Variants in ZNF316 observed in about 807,000 individuals in gnomAD.
ZNF316 encodes the protein zinc finger protein 316.
Under a neutral mutation model 75.6 loss-of-function variants are expected in ZNF316, and 23 were observed. The observed-to-expected ratio is 0.30, with a 90% CI of 0.22 to 0.43. The LOEUF (loss-of-function observed/expected upper bound fraction) is 0.43, where lower values mean the gene tolerates loss of function less well. Among genes scored for constraint, ZNF316 ranks in the 20% least tolerant of loss-of-function variants. The probability of loss-of-function intolerance (pLI) is 1.00; values close to 1 mark genes in which losing one functional copy is unlikely to be tolerated. For synonymous variants in ZNF316, 827 were observed against 666.2 expected, an observed-to-expected ratio of 1.24 and a Z score of -3.72; for missense variants, 1,266 against 1,409.4, an observed-to-expected ratio of 0.90 and a Z score of 1.63.
intron 8 of ZNF316, among the ~76,000 whole-genome samples, 163 bp downstream of exon 8, chr7:6,644,756 G>A (rs1779370323): frequency 2.0e-5 from 3 of 152,326 alleles, no homozygotes; most frequent in African/African-American, 7.2e-5. Flanking sequence ...AGAAAGGTCC[G>A]AGGGCTGTAA....
intron 8 of ZNF316, among the ~76,000 whole-genome samples, chr7:6,649,859 G>A (rs188742264): frequency 3.3e-5 from 5 of 152,260 alleles, no homozygotes; most frequent in Admixed American, 3.3e-4. Flanking sequence ...TGGGATGGGG[G>A]CTCCCTGCCT....
At position 6,654,217 on chromosome 7, in the gene ZNF316, TG is replaced by T. The variant is rs2115321711; in HGVS notation, c.2623del (p.Ala875ProfsTer60). The T allele has an allele frequency of 8.2e-7, 1 of 1,223,804 alleles. No homozygotes were observed. Among genetic ancestry groups the T allele is most frequent in the Non-Finnish European group, 1.0e-6 (1 of 982,178 alleles). The allele number at this position is 1,223,804 out of a possible 1,614,324, so 75.8% of individuals were successfully genotyped here. A position where few individuals can be genotyped will look rare whatever the true frequency, so the allele number is the denominator to read the frequency against. ...CGCGGCTTCGCGCAGCGCTCCAACC[TG>T]GCCAAGCACCGGCGCGGCCACACGG... ...CGRGFAQRSNLAKHRRGHTGE... is the reference protein window; with the variant it reads ...CGRGFAQRSNXAKHRRGHTGE... On this transcript the variant is annotated frameshift_variant, in exon 9 of 9. Transcript: ENST00000382252. LOFTEE classifies it high-confidence loss of function.
At chr7:6,649,029 C>T (rs1408346666) in intron 8 of ZNF316, among the ~76,000 whole-genome samples, 3 of 152,184 alleles carry the variant, frequency 2.0e-5, no homozygotes, top group Non-Finnish European at 4.4e-5. Context: ...TGGTCTCCCT[C>T]TCCATCAGCT....
At chr7:6,649,065 G>C (rs1779460106) in intron 8 of ZNF316, among the ~76,000 whole-genome samples, 1 of 152,120 alleles carries the variant, frequency 6.6e-6, no homozygotes, top group African/African-American at 2.4e-5. Flanking sequence ...TGGATGGGGG[G>C]GGTCTTAGTG....
At position 6,652,433 on chromosome 7, in the gene ZNF316, G is replaced by T; in HGVS notation, c.837G>T (p.Val279=). The T allele has an allele frequency of 8.1e-7, 1 of 1,232,124 alleles. No individual in the cohort carries two copies. The highest frequency in any genetic ancestry group is 1.0e-6 in the Non-Finnish European group (1 of 987,962). 76.3% of individuals were successfully genotyped at this position (1,232,124 alleles called of 1,614,324 possible). Residue 279 remains valine, a synonymous_variant, in exon 9 of 9, where the codon GTG becomes GTT. Transcript: ENST00000382252. ...LWSAAYGVGD[V]PGTWGPDDSD... is the part of the protein sequence containing the mutation. ...CGGCGGCCTACGGCGTGGGGGACGT[G>T]CCTGGGACGTGGGGGCCCGACGACT...
intron 8 of ZNF316, among the ~76,000 whole-genome samples, chr7:6,648,317 GCCT>G (rs1779445909): frequency 1.3e-5 from 2 of 152,176 alleles, no homozygotes; most frequent in African/African-American, 4.8e-5. Context: ...CTGTGGCCCA[GCCT>G]CAAGAGGAAA....
rs1261986778 is a variant in ZNF316 at position 6,654,216 on chromosome 7, C to T, written c.2620C>T (p.Leu874=). Residue 874 remains leucine (L), a synonymous_variant, in exon 9 of 9, where the codon CTG becomes TTG. Transcript: ENST00000382252. ...CCGCGGCTTCGCGCAGCGCTCCAAC[C>T]TGGCCAAGCACCGGCGCGGCCACAC... ...CGRGFAQRSN[L]AKHRRGHTGE... 2.5e-6 allele frequency: 3 copies of T among 1,222,950 alleles called. No individual in the cohort carries two copies. In the South Asian group the frequency reaches 1.2e-4, roughly 47 times the overall value. 75.8% of individuals were successfully genotyped at this position (1,222,950 alleles called of 1,614,324 possible).
chr7:6,643,254 G>C (rs954996204), intron 6 of ZNF316, among the ~76,000 whole-genome samples, 181 bp downstream of exon 6: 1 of 152,192 alleles, frequency 6.6e-6, no homozygotes, highest in Non-Finnish European at 1.5e-5. Flanking sequence ...CCCCAAGCCC[G>C]GGGGTGTGGT....
intron 8 of ZNF316, among the ~76,000 whole-genome samples, chr7:6,648,011 A>G (rs1215566059): frequency 6.6e-6 from 1 of 152,166 alleles, no homozygotes; most frequent in Non-Finnish European, 1.5e-5. Flanking sequence ...GGCCCCTGGG[A>G]TCACCACTGC....
rs1239141641 is a variant in ZNF316, at chr7:6,657,533, C to G, written c.*2922C>G. Among the ~76,000 whole-genome samples, 1 of 151,890 alleles carries G rather than the reference C, an allele frequency of 6.6e-6. No individual in the cohort carries two copies. Among genetic ancestry groups the G allele is most frequent in the East Asian group, 1.9e-4 (1 of 5,180 alleles). On this transcript the variant is annotated 3_prime_UTR_variant, in exon 9 of 9. Coordinates refer to ENST00000382252, the MANE Select transcript of ZNF316 (RefSeq NM_001278559.2). The stretch of plus-strand genomic sequence containing the variant: ...CCCCTTGAGGATCTTACAGTCTATT[C>G]AGAAAAGTTAAATGAGGCTGGGTGC...
Position 6,656,340 on chromosome 7 carries a change from G to C in ZNF316, c.*1729G>C, listed in dbSNP as rs1779626291. 1 of 152,176 alleles carries C rather than the reference G, an allele frequency of 6.6e-6. No individual in the cohort carries two copies. The highest frequency in any genetic ancestry group is 6.5e-5 in the Admixed American group (1 of 15,282). 9.4% of individuals were successfully genotyped at this position (152,176 alleles called of 1,614,324 possible). ...TCTCAGCTCTAGCCCTGTATGGCCAGGATCTGCTGTCTCCGTCCCTCCTGG... is the reference window on the plus strand; with the variant it reads ...TCTCAGCTCTAGCCCTGTATGGCCACGATCTGCTGTCTCCGTCCCTCCTGG... On this transcript the variant is annotated 3_prime_UTR_variant, in exon 9 of 9. Transcript: ENST00000382252.
Position 6,639,764 on chromosome 7 carries a change from C to T in ZNF316, c.-167+623C>T, listed in dbSNP as rs1779280194. Among the ~76,000 whole-genome samples the T allele has an allele frequency of 6.6e-6, 1 of 152,210 alleles. No individual in the cohort carries two copies. Among genetic ancestry groups the T allele is most frequent in the Admixed American group, 6.5e-5 (1 of 15,280 alleles). On this transcript the variant is annotated intron_variant, in intron 3 of 8. Coordinates refer to ENST00000382252, the MANE Select transcript of ZNF316 (RefSeq NM_001278559.2). This position sits in a 1 kb window ranked among gnomAD's most constrained non-coding sequence, Gnocchi z 4.2. ...GAAAGAGAAAAGCCCTCCTCTGGGC[C>T]TCAAGTGGGTGGCAGTTGGGAAACC...
rs1779323887 is a variant in ZNF316 at position 6,642,310 on chromosome 7, G to T, written c.-28-72G>T. 2.7e-6 allele frequency: 2 copies of T among 752,562 alleles called. No homozygotes were observed. The highest frequency in any genetic ancestry group is 3.6e-6 in the Non-Finnish European group (2 of 550,634). The allele number at this position is 752,562 out of a possible 1,614,324, so 46.6% of individuals were successfully genotyped here. On this transcript the variant is annotated intron_variant, in intron 4 of 8. Coordinates refer to ENST00000382252, the MANE Select transcript of ZNF316 (RefSeq NM_001278559.2). The surrounding 1 kb of genome is among the most constrained non-coding windows in gnomAD (Gnocchi z 8.1). ...CTGCTCCCTGCGCCCCCGCCAGGCT[G>T]CGGGAGACCCTGTGAGGGGACCGTG...
chr7:6,642,492 A>G lies in ZNF316; in HGVS notation c.83A>G (p.Gln28Arg). Residue 28 changes from glutamine (Q) to arginine (R), a missense_variant, in exon 5 of 9, where the codon CAG becomes CGG. Physicochemically the swap from Gln to Arg is conservative, Grantham distance 43 (BLOSUM62 1). Around this residue, in one of 3 missense-constraint regions of ZNF316, gnomAD observed 961 missense variants for 990.9 expected, o/e 0.97. Transcript: ENST00000382252. The surrounding 1 kb of genome is among the most constrained non-coding windows in gnomAD (Gnocchi z 8.1). Reference sequence around the variant, plus strand: ...GACGGGTCAGAGTGCGACCCTGACCAGGAAGAAGAGGAGGAGGAGGAGGAA... The same window carrying G: ...GACGGGTCAGAGTGCGACCCTGACCGGGAAGAAGAGGAGGAGGAGGAGGAA... ...AEDGSECDPD[Q>R]EEEEEEEEKG... is the part of the protein sequence containing the mutation. The G allele has an allele frequency of 1.6e-6, 2 of 1,233,548 alleles. No homozygotes were observed. Among genetic ancestry groups the G allele is most frequent in the Non-Finnish European group, 2.0e-6 (2 of 988,860 alleles). 76.4% of individuals were successfully genotyped at this position (1,233,548 alleles called of 1,614,324 possible).
intron 8 of ZNF316, among the ~76,000 whole-genome samples, chr7:6,651,102 C>G (rs1388748208): frequency 6.6e-6 from 1 of 152,198 alleles, no homozygotes; most frequent in Admixed American, 6.5e-5. Context: ...GTAATCCCAG[C>G]ACTTTGGGAG....
Position 6,654,619 on chromosome 7 carries a change from G to T in ZNF316, c.*8G>T. 8.4e-7 allele frequency: 1 copy of T among 1,183,708 alleles called. No homozygotes were observed. Among genetic ancestry groups the T allele is most frequent in the Non-Finnish European group, 1.0e-6 (1 of 956,784 alleles). The allele number at this position is 1,183,708 out of a possible 1,614,324, so 73.3% of individuals were successfully genotyped here. A position where few individuals can be genotyped will look rare whatever the true frequency, so the allele number is the denominator to read the frequency against. ...CGGGAGGGCGTCCTGTGAGGGGCCC[G>T]GGGCCGACAGCAGCGCAGCCTGCAG... On this transcript the variant is annotated 3_prime_UTR_variant, in exon 9 of 9. Transcript: ENST00000382252.
Position 6,652,307 on chromosome 7 carries a change from C to T in ZNF316, c.711C>T (p.Ala237=). ...GDIVTGVYTG[A]WFWTDDIEDH... is the part of the protein sequence containing the mutation. ...GCCTGCCTTTGTCACCTTCAGGAGC[C>T]TGGTTCTGGACGGACGACATAGAGG... The change falls in exon 9 of 9, where the codon GCC becomes GCT. Residue 237 remains alanine, a synonymous_variant. Coordinates refer to ENST00000382252, the MANE Select transcript of ZNF316 (RefSeq NM_001278559.2). 1 of 1,232,354 alleles carries T rather than the reference C, an allele frequency of 8.1e-7. No individual in the cohort carries two copies. Among genetic ancestry groups the T allele is most frequent in the Non-Finnish European group, 1.0e-6 (1 of 988,078 alleles). The allele number at this position is 1,232,354 out of a possible 1,614,324, so 76.3% of individuals were successfully genotyped here.
chr7:6,647,607 T>C (rs893935694), intron 8 of ZNF316, among the ~76,000 whole-genome samples: 5 of 152,068 alleles, frequency 3.3e-5, no homozygotes, highest in African/African-American at 1.2e-4. Flanking sequence ...CAGGCCCCAG[T>C]GGATGGGTTG....
At chr7:6,651,900 C>T (rs1054209022) in intron 8 of ZNF316, among the ~76,000 whole-genome samples, 1 of 152,222 alleles carries the variant, frequency 6.6e-6, no homozygotes, top group South Asian at 2.1e-4. Context: ...AGCGTCTCCA[C>T]CTGGTTTTCT....
Sources: gnomAD v4.1 joint callset for allele counts (sites outside exome capture counted in the v4.1 genomes callset) on GRCh38, gnomAD v4.1.1 for gene constraint, gnomAD v4.1.1 regional missense constraint, Gnocchi (gnomAD v3.1) non-coding constraint, MANE v1.5 for transcripts, NCBI Gene and HGNC (gene_info 2026-07-23, HGNC 2026-07-21) for gene names.